Variants in PTPRD observed in about 807,000 individuals in gnomAD.
The protein encoded by PTPRD is protein tyrosine phosphatase receptor type D.
PTPRD carries 34 observed loss-of-function variants against 214.5 expected under a neutral mutation model. The ratio of observed to expected loss-of-function variants is 0.16; its 90% CI spans 0.12 to 0.21. The LOEUF is 0.21. Ranked by LOEUF, PTPRD falls within the 10% of genes least tolerant of loss-of-function variation. The probability of loss-of-function intolerance (pLI) is 1.00; values close to 1 mark genes in which losing one functional copy is unlikely to be tolerated. For synonymous variants in PTPRD, 1,128 were observed against 845.7 expected (o/e 1.33, Z -5.79); for missense variants, 2,545 against 2,398.7 (o/e 1.06, Z -1.27).
Position 9,079,308 on chromosome 9 carries a change from T to A in PTPRD, c.-142-60573A>T, listed in dbSNP as rs1301888842. The stretch of plus-strand genomic sequence containing the variant: ...ACATATGGGTGAGAGCACACAGCAT[T>A]TAACTTTTTGTTTCTGGCTTATTTC... On this transcript the variant is annotated intron_variant, in intron 10 of 45. Transcript: ENST00000381196. 2.0e-5 allele frequency among the ~76,000 whole-genome samples: 3 copies of A among 152,214 alleles called. No homozygotes were observed. In the East Asian group the frequency reaches 5.8e-4, roughly 29 times the overall value.
At chr9:10,568,659 C>G (rs977322481) in intron 2 of PTPRD, among the ~76,000 whole-genome samples, 5 of 152,034 alleles carry the variant, frequency 3.3e-5, no homozygotes, top group African/African-American at 9.7e-5. Context: ...CTGACAAAAA[C>G]AAGAAATGGG....
At chr9:9,533,676 T>C (rs2075957452) in intron 8 of PTPRD, among the ~76,000 whole-genome samples, 1 of 152,070 alleles carries the variant, frequency 6.6e-6, no homozygotes, top group African/African-American at 2.4e-5. Flanking sequence ...TAATTTTCAC[T>C]TATTTGTTCT....
At chr9:10,263,826 C>T (rs1414640265) in intron 3 of PTPRD, among the ~76,000 whole-genome samples, 2 of 152,140 alleles carry the variant, frequency 1.3e-5, no homozygotes, top group Admixed American at 1.3e-4. Flanking sequence ...GCAGCAGCCC[C>T]TCTTATCACA....
chr9:8,873,681 A>C (rs771634026), intron 11 of PTPRD, among the ~76,000 whole-genome samples: 2 of 152,174 alleles, frequency 1.3e-5, no homozygotes, highest in Admixed American at 1.3e-4. Context: ...AATAGTGACA[A>C]AAAGAGAGTT....
intron 14 of PTPRD, among the ~76,000 whole-genome samples, chr9:8,567,742 T>C (rs1396780519): frequency 6.6e-6 from 1 of 152,182 alleles, no homozygotes; most frequent in Non-Finnish European, 1.5e-5. Context: ...ATACAACCTT[T>C]AGGCTGGAAG....
At chr9:9,423,278 G>T (rs996585166) in intron 8 of PTPRD, among the ~76,000 whole-genome samples, 1 of 152,102 alleles carries the variant, frequency 6.6e-6, no homozygotes. Flanking sequence ...AGGTTTAGAT[G>T]AGGTTAGTAT....
At chr9:10,237,933 T>A (rs2099634308) in intron 3 of PTPRD, among the ~76,000 whole-genome samples, 1 of 151,868 alleles carries the variant, frequency 6.6e-6, no homozygotes, top group South Asian at 2.1e-4. Context: ...TTCAACATAT[T>A]TTTTAACAAA....
chr9:9,145,352 T>A (rs1569552838), intron 10 of PTPRD, among the ~76,000 whole-genome samples: 3 of 152,208 alleles, frequency 2.0e-5, no homozygotes, highest in East Asian at 3.8e-4. Context: ...TTTCCTTTGA[T>A]TATTGCTTAT....
chr9:9,626,924 T>C (rs2154356602), intron 7 of PTPRD, among the ~76,000 whole-genome samples: 1 of 152,318 alleles, frequency 6.6e-6, no homozygotes, highest in East Asian at 1.9e-4. Context: ...GGATACAAAC[T>C]GTCAACATGA....
At chr9:9,989,045 A>AC (rs2095822419) in intron 4 of PTPRD, among the ~76,000 whole-genome samples, 6 of 148,288 alleles carry the variant, frequency 4.0e-5, no homozygotes, top group Admixed American at 1.3e-4. Flanking sequence ...AAAAAAAAAA[A>AC]CCACAGACTT....
In PTPRD at chr9:8,375,964, C is replaced by A. The variant is rs144763077; in HGVS notation, c.4633G>T (p.Asp1545Tyr). Residue 1545 changes from aspartate (D) to tyrosine (Y), a missense_variant, in exon 39 of 46, where the codon GAT (aspartate) becomes TAT (tyrosine). Asp to Tyr is a radical substitution (Grantham distance 160). Transcript: ENST00000381196. ...LRRVKTCNPP[D>Y]AGPMVVHCSA... ...CAGTGCACAACCATCGGACCAGCAT[C>A]GGGAGGGTTACAGGTTTTGACTCTA... The A allele has an allele frequency of 1.9e-6, 3 of 1,612,528 alleles. No individual in the cohort carries two copies. The highest frequency in any genetic ancestry group is 2.5e-6 in the Non-Finnish European group (3 of 1,179,122).
intron 9 of PTPRD, among the ~76,000 whole-genome samples, chr9:9,324,299 C>A (rs1490179569): frequency 6.6e-6 from 1 of 152,184 alleles, no homozygotes; most frequent in Non-Finnish European, 1.5e-5. Flanking sequence ...AGTTTACATT[C>A]CCACCAACAG....
At chr9:8,748,973 C>G (rs188833167) in intron 11 of PTPRD, among the ~76,000 whole-genome samples, 11 of 152,018 alleles carry the variant, frequency 7.2e-5, no homozygotes, top group East Asian at 3.9e-4. Flanking sequence ...CTCCATCACA[C>G]AAATTTAGTG....
At position 8,555,485 on chromosome 9, in the gene PTPRD, C is replaced by T. The variant is rs78780213; in HGVS notation, c.353-26706G>A. Among the ~76,000 whole-genome samples, 471 of 152,310 alleles carry T rather than the reference C, an allele frequency of 3.1e-3. 11 individuals carry two copies. In the East Asian group the frequency reaches 0.055, roughly 18 times the overall value. Reference sequence around the variant, plus strand: ...AGCTTTGGGAAGCTGAGAGTTAATGCAGAAGGTTTTTATATGAGTCCATGT... The same window carrying T: ...AGCTTTGGGAAGCTGAGAGTTAATGTAGAAGGTTTTTATATGAGTCCATGT... On this transcript the variant is annotated intron_variant, in intron 14 of 45. Coordinates refer to ENST00000381196, the MANE Select transcript of PTPRD (RefSeq NM_002839.4).
chr9:9,047,352 C>T lies in PTPRD; in HGVS notation c.-142-28617G>A, dbSNP rs557087086. On this transcript the variant is annotated intron_variant, in intron 10 of 45. Transcript: ENST00000381196. ...CCCAAAGCAATCTATAGATTCAATG[C>T]AATCTCTATCAAAATACCAATGACA... Among the ~76,000 whole-genome samples the T allele has an allele frequency of 4.6e-5, 7 of 152,120 alleles. No homozygotes were observed. In the South Asian group the frequency reaches 1.5e-3, roughly 32 times the overall value.
At chr9:8,404,395 C>A in intron 36 of PTPRD, 142 bp downstream of exon 36, 1 of 1,136,258 alleles carries the variant, frequency 8.8e-7, no homozygotes, top group South Asian at 2.1e-5. Context: ...TCCCAAAGTG[C>A]TGGGATTACA....
intron 11 of PTPRD, among the ~76,000 whole-genome samples, chr9:9,000,396 T>C (rs2099413319): frequency 6.6e-6 from 1 of 151,832 alleles, no homozygotes; most frequent in South Asian, 2.1e-4. Flanking sequence ...CAGGTAAGAG[T>C]AAAGAGAGAA....
At chr9:9,872,573 G>C (rs960484478) in intron 5 of PTPRD, among the ~76,000 whole-genome samples, 2 of 152,044 alleles carry the variant, frequency 1.3e-5, no homozygotes, top group Non-Finnish European at 2.9e-5. Flanking sequence ...CTGGGCAACA[G>C]AGCAAGGCCC....
chr9:8,529,128 C>T (rs2075016547), intron 14 of PTPRD, among the ~76,000 whole-genome samples: 1 of 152,042 alleles, frequency 6.6e-6, no homozygotes, highest in Admixed American at 6.6e-5. Flanking sequence ...TAGGAAAGAA[C>T]ACAATCGGCC....
Sources: gnomAD v4.1 joint callset for allele counts (sites outside exome capture counted in the v4.1 genomes callset) on GRCh38, gnomAD v4.1.1 for gene constraint, MANE v1.5 for transcripts, NCBI Gene and HGNC (gene_info 2026-07-23, HGNC 2026-07-21) for gene names.